The following LARP1 variants were observed in gnomAD, a reference collection of about 807,000 sequenced individuals.
The protein encoded by LARP1 is la-related protein 1.
LARP1 carries 36 observed loss-of-function variants against 122.7 expected under a neutral mutation model. The observed-to-expected ratio is 0.29, with a 90% CI of 0.22 to 0.39. The LOEUF is 0.39. Ranked by LOEUF, LARP1 falls within the 10% of genes least tolerant of loss-of-function variation. The pLI, the probability that LARP1 is intolerant of heterozygous loss-of-function variation, is 1.00. For missense variants in LARP1, 1,040 were observed against 1,403.6 expected, an observed-to-expected ratio of 0.74 and a Z score of 4.14; for synonymous variants, 539 against 528.7, an observed-to-expected ratio of 1.02 and a Z score of -0.27.
At chr5:154,792,817 C>T (rs376510099) in intron 4 of LARP1, 21 bp downstream of exon 4, 7 of 1,611,200 alleles carry the variant, frequency 4.3e-6, no homozygotes, top group African/African-American at 1.3e-5. Flanking sequence ...GGGAGCAGGA[C>T]TTGGGAGAAG....
chr5:154,805,611 G>T, intron 14 of LARP1: 1 of 380,206 alleles, frequency 2.6e-6, no homozygotes, highest in South Asian at 6.0e-5. Flanking sequence ...TTTTATCATT[G>T]GACACGTTTC....
intron 1 of LARP1, among the ~76,000 whole-genome samples, chr5:154,721,827 G>C (rs1755889311): frequency 6.6e-6 from 1 of 152,138 alleles, no homozygotes; most frequent in Non-Finnish European, 1.5e-5. Flanking sequence ...TCCACGGCCT[G>C]GCACTCTTTT....
chr5:154,812,868 C>T (rs1042832852), intron 18 of LARP1, among the ~76,000 whole-genome samples: 6 of 152,020 alleles, frequency 3.9e-5, no homozygotes, highest in South Asian at 2.1e-4. Context: ...CTCACTATCA[C>T]GAGAACAAGA....
chr5:154,725,863 T>G (rs925313194), intron 1 of LARP1, among the ~76,000 whole-genome samples: 1 of 151,904 alleles, frequency 6.6e-6, no homozygotes, highest in Non-Finnish European at 1.5e-5. Context: ...TTTTTTGAGT[T>G]GAAGTCTCGC....
intron 1 of LARP1, among the ~76,000 whole-genome samples, chr5:154,718,091 AT>A (rs1331425302): frequency 8.1e-5 from 12 of 147,264 alleles, no homozygotes; most frequent in Admixed American, 1.4e-4. Flanking sequence ...CTAACTTAAA[AT>A]TTTTTTTTTT....
Position 154,815,726 on chromosome 5 carries a change from C to T in LARP1, c.*1630C>T, listed in dbSNP as rs1041883231. The T allele has an allele frequency of 6.6e-6, 1 of 152,282 alleles. No homozygotes were observed. Among genetic ancestry groups the T allele is most frequent in the African/African-American group, 2.4e-5 (1 of 41,432 alleles). The allele number at this position is 152,282 out of a possible 1,614,324, so 9.4% of individuals were successfully genotyped here. On this transcript the variant is annotated 3_prime_UTR_variant, in exon 19 of 19. Coordinates refer to ENST00000518297, the MANE Select transcript of LARP1 (RefSeq NM_033551.3). ...CCTGTGGCAGGAAGGTATATGTGGACATAGAGTATACCTGATTCTCTTTCT... is the reference window on the plus strand; with the variant it reads ...CCTGTGGCAGGAAGGTATATGTGGATATAGAGTATACCTGATTCTCTTTCT...
At chr5:154,799,404 T>C (rs1252413468) in intron 8 of LARP1, among the ~76,000 whole-genome samples, 187 bp from the exon 9 acceptor site, 1 of 152,216 alleles carries the variant, frequency 6.6e-6, no homozygotes, top group African/African-American at 2.4e-5. Context: ...TTTATTATGC[T>C]GGTACCTCCT....
intron 8 of LARP1, among the ~76,000 whole-genome samples, chr5:154,798,833 G>A (rs1758096443): frequency 6.6e-6 from 1 of 152,030 alleles, no homozygotes; most frequent in Non-Finnish European, 1.5e-5. Context: ...ATCCACCTCA[G>A]CACATGTAAA....
upstream of LARP1, among the ~76,000 whole-genome samples, chr5:154,712,743 A>C (rs1755278333): frequency 6.6e-6 from 1 of 152,114 alleles, no homozygotes; most frequent in Non-Finnish European, 1.5e-5. Flanking sequence ...TAAGGTAAAG[A>C]GGTGGGGTAG....
intron 1 of LARP1, among the ~76,000 whole-genome samples, chr5:154,769,301 C>T (rs1182595280): frequency 2.0e-5 from 3 of 152,222 alleles, no homozygotes; most frequent in African/African-American, 7.2e-5. Context: ...CACAGCTTGG[C>T]TCTTGTAGGC....
intron 1 of LARP1, among the ~76,000 whole-genome samples, chr5:154,732,988 T>C (rs1013441272): frequency 1.3e-5 from 2 of 152,022 alleles, no homozygotes; most frequent in Admixed American, 1.3e-4. Context: ...CTGTAATGGG[T>C]GGTGGAGTTA....
chr5:154,769,444 G>C (rs1008404916), intron 1 of LARP1, among the ~76,000 whole-genome samples: 4 of 152,250 alleles, frequency 2.6e-5, no homozygotes, highest in Admixed American at 6.5e-5. Context: ...CCTCATGGGA[G>C]AAGAATGAGA....
At chr5:154,771,789 G>A (rs904240176) in intron 1 of LARP1, among the ~76,000 whole-genome samples, 5 of 152,130 alleles carry the variant, frequency 3.3e-5, no homozygotes, top group Non-Finnish European at 7.4e-5. Flanking sequence ...AGCTCTGCCG[G>A]GCCACATGCA....
chr5:154,797,117 T>C (rs1292970728), intron 8 of LARP1, among the ~76,000 whole-genome samples: 1 of 152,082 alleles, frequency 6.6e-6, no homozygotes, highest in African/African-American at 2.4e-5. Flanking sequence ...GTCTGAGTTA[T>C]AGGGGTGCTT....
In LARP1 at chr5:154,807,577, G is replaced by A. The variant is rs545312916; in HGVS notation, c.2699-882G>A. On this transcript the variant is annotated intron_variant, in intron 15 of 18. Transcript: ENST00000518297. ...ATTTAACATTTATTTTTGAGACAGC[G>A]TTTTACTCTGTCACCCAGGCAGGAA... Among the ~76,000 whole-genome samples, 19 of 152,074 alleles carry A rather than the reference G, an allele frequency of 1.2e-4. No individual in the cohort carries two copies. In the South Asian group the frequency reaches 2.5e-3, roughly 20 times the overall value.
intron 18 of LARP1, among the ~76,000 whole-genome samples, chr5:154,813,268 C>T (rs143555887): frequency 7.6e-4 from 116 of 152,174 alleles, no homozygotes; most frequent in African/African-American, 2.6e-3. Context: ...GATAAGTAGA[C>T]CTATTAGGGT....
chr5:154,744,269 C>T (rs1753061487), intron 1 of LARP1, among the ~76,000 whole-genome samples: 1 of 152,152 alleles, frequency 6.6e-6, no homozygotes, highest in Non-Finnish European at 1.5e-5. Context: ...GTCCAGGTAC[C>T]TCCAGGAAGG....
At chr5:154,790,774 A>C in intron 3 of LARP1, 64 bp downstream of exon 3, 10 of 1,375,536 alleles carry the variant, frequency 7.3e-6, no homozygotes, top group African/African-American at 1.4e-5. Flanking sequence ...TTAGCTCCTC[A>C]AGCTTCCAGA....
At chr5:154,787,801 G>C (rs1056204195) in intron 1 of LARP1, among the ~76,000 whole-genome samples, 1 of 152,174 alleles carries the variant, frequency 6.6e-6, no homozygotes. Flanking sequence ...GAATATTCAT[G>C]TGTATGCTCA....
Sources: allele counts gnomAD v4.1 joint callset (sites outside exome capture counted in the v4.1 genomes callset), GRCh38; gene constraint gnomAD v4.1.1; transcripts MANE v1.5; gene names NCBI Gene and HGNC (gene_info 2026-07-23, HGNC 2026-07-21).